The following PTGFRN variants were observed in gnomAD, a reference collection of about 807,000 sequenced individuals.
The protein encoded by PTGFRN is prostaglandin F2 receptor inhibitor.
PTGFRN carries 35 observed loss-of-function variants against 83.2 expected under a neutral mutation model. The ratio of observed to expected loss-of-function variants is 0.42; its 90% CI spans 0.32 to 0.56. The LOEUF (loss-of-function observed/expected upper bound fraction) is 0.56, where lower values mean the gene tolerates loss of function less well. Ranked by LOEUF, PTGFRN falls within the 20% of genes least tolerant of loss-of-function variation. The probability of loss-of-function intolerance (pLI) is 0.11; values close to 1 mark genes in which losing one functional copy is unlikely to be tolerated. For missense variants in PTGFRN, 1,051 were observed against 1,179.5 expected (o/e 0.89, Z 1.60); for synonymous variants, 519 against 498.6 (o/e 1.04, Z -0.55).
chr1:116,944,318 C>CT (rs1481191230), intron 2 of PTGFRN, among the ~76,000 whole-genome samples: 10 of 152,320 alleles, frequency 6.6e-5, no homozygotes, highest in African/African-American at 2.4e-4. Flanking sequence ...TAACTTAACT[C>CT]TCATGTCAAC....
chr1:116,917,934 C>T (rs1649444873), intron 1 of PTGFRN, among the ~76,000 whole-genome samples: 1 of 152,170 alleles, frequency 6.6e-6, no homozygotes, highest in Non-Finnish European at 1.5e-5. Context: ...TCTTTATCTG[C>T]ACACATATAA....
At position 116,965,657 on chromosome 1, in the gene PTGFRN, C is replaced by T. The variant is rs532189694; in HGVS notation, c.1640-1254C>T. 4.6e-5 allele frequency among the ~76,000 whole-genome samples: 7 copies of T among 152,316 alleles called. 1 individual carries two copies. Among genetic ancestry groups the T allele is most frequent in the Admixed American group, 3.9e-4 (6 of 15,298 alleles). On this transcript the variant is annotated intron_variant, in intron 5 of 8. Transcript: ENST00000393203. Reference sequence around the variant, plus strand: ...ACTCTATTTACGGTTGTGGCACACACACCTTCCTTCCAAATACAAATCCAC... The same window carrying T: ...ACTCTATTTACGGTTGTGGCACACATACCTTCCTTCCAAATACAAATCCAC...
At chr1:116,949,092 T>C (rs1386904438) in intron 3 of PTGFRN, 100 bp from the exon 4 acceptor site, 3 of 1,429,400 alleles carry the variant, frequency 2.1e-6, no homozygotes, top group African/African-American at 1.4e-5. Flanking sequence ...ACTTTAATGC[T>C]GTAAATAAGA....
chr1:116,952,976 CTAGT>C lies in PTGFRN; in HGVS notation c.1213+3407_1213+3410del, dbSNP rs1310669914. The stretch of plus-strand genomic sequence containing the variant: ...TAAAACAGAGAACCTAGCAGAATGG[CTAGT>C]TAATCTGCACATTAAGCCATCTCCT... On this transcript the variant is annotated intron_variant, in intron 4 of 8. Transcript: ENST00000393203. This position sits in a 1 kb window ranked among gnomAD's most constrained non-coding sequence, Gnocchi z 4.0. 5.3e-5 allele frequency among the ~76,000 whole-genome samples: 8 copies of C among 152,200 alleles called. No homozygotes were observed. The highest frequency in any genetic ancestry group is 1.5e-5 in the Non-Finnish European group (1 of 68,046).
At chr1:116,973,271 C>G (rs1651055264) in intron 6 of PTGFRN, among the ~76,000 whole-genome samples, 1 of 152,098 alleles carries the variant, frequency 6.6e-6, no homozygotes, top group African/African-American at 2.4e-5. Context: ...GCAAAAAGTA[C>G]TGAAAGTTTC....
intron 6 of PTGFRN, among the ~76,000 whole-genome samples, chr1:116,973,647 C>T (rs765696447): frequency 6.6e-6 from 1 of 151,708 alleles, no homozygotes; most frequent in Non-Finnish European, 1.5e-5. Context: ...TCCAGGCTGC[C>T]TCCATTTTCC....
At position 116,918,451 on chromosome 1, in the gene PTGFRN, A is replaced by C. The variant is rs1649460134; in HGVS notation, c.49+8199A>C. On this transcript the variant is annotated intron_variant, in intron 1 of 8. Transcript: ENST00000393203. This position sits in a 1 kb window ranked among gnomAD's most constrained non-coding sequence, Gnocchi z 4.1. ...CTACCCCAACTGTGTTCTGTGGACC[A>C]CCAGCATTGGCAGCACCTGGGGGAA... Among the ~76,000 whole-genome samples, 2 of 152,250 alleles carry C rather than the reference A, an allele frequency of 1.3e-5. No homozygotes were observed. Among genetic ancestry groups the C allele is most frequent in the Non-Finnish European group, 2.9e-5 (2 of 68,040 alleles).
At position 116,964,445 on chromosome 1, in the gene PTGFRN, C is replaced by T. The variant is rs576612399; in HGVS notation, c.1640-2466C>T. Among the ~76,000 whole-genome samples the T allele has an allele frequency of 3.3e-5, 5 of 152,292 alleles. No individual in the cohort carries two copies. The South Asian group carries it at 6.2e-4, about 19-fold the overall frequency. ...TCTTCCAACTTTATTAGCCATTTCT[C>T]AGCCTCCTTTTCTGGCTTCTGTTCA... On this transcript the variant is annotated intron_variant, in intron 5 of 8. Coordinates refer to ENST00000393203, the MANE Select transcript of PTGFRN (RefSeq NM_020440.4).
Position 116,989,720 on chromosome 1 carries a change from G to A in PTGFRN, c.*2753G>A, listed in dbSNP as rs1285798250. The A allele has an allele frequency of 6.6e-6, 1 of 152,524 alleles. No individual in the cohort carries two copies. Among genetic ancestry groups the A allele is most frequent in the African/African-American group, 2.4e-5 (1 of 41,416 alleles). The allele number at this position is 152,524 out of a possible 1,614,324, so 9.4% of individuals were successfully genotyped here. A position where few individuals can be genotyped will look rare whatever the true frequency, so the allele number is the denominator to read the frequency against. On this transcript the variant is annotated 3_prime_UTR_variant, in exon 9 of 9. Coordinates refer to ENST00000393203, the MANE Select transcript of PTGFRN (RefSeq NM_020440.4). ...TACACGTTTCACTTTGAAAAAAAAT[G>A]CAAATCGACTTTTTAACAACTGTTG...
chr1:116,915,908 T>C (rs926938422), intron 1 of PTGFRN, among the ~76,000 whole-genome samples: 3 of 152,258 alleles, frequency 2.0e-5, no homozygotes, highest in African/African-American at 7.2e-5. Context: ...TCATAATTTA[T>C]CTTCTGGAAA....
intron 6 of PTGFRN, among the ~76,000 whole-genome samples, chr1:116,973,268 G>T (rs1006474302): frequency 1.3e-5 from 2 of 152,062 alleles, no homozygotes; most frequent in African/African-American, 4.8e-5. Flanking sequence ...TCAGCAAAAA[G>T]TACTGAAAGT....
intron 4 of PTGFRN, among the ~76,000 whole-genome samples, chr1:116,950,851 A>G (rs1650326871): frequency 6.6e-6 from 1 of 152,188 alleles, no homozygotes; most frequent in Non-Finnish European, 1.5e-5. Context: ...TTATCTGGCA[A>G]GCTTTTTATT....
chr1:116,933,421 T>C (rs1649847807), intron 1 of PTGFRN, among the ~76,000 whole-genome samples: 1 of 152,190 alleles, frequency 6.6e-6, no homozygotes, highest in African/African-American at 2.4e-5. Flanking sequence ...TTTTCTGCTA[T>C]TGATGTCATA....
intron 4 of PTGFRN, among the ~76,000 whole-genome samples, chr1:116,953,348 T>A (rs955415952): frequency 6.6e-6 from 1 of 152,226 alleles, no homozygotes; most frequent in Non-Finnish European, 1.5e-5. Context: ...GTAGGTTTTT[T>A]AAGGATAACT....
chr1:116,957,969 T>G (rs980533628), intron 4 of PTGFRN, among the ~76,000 whole-genome samples: 2 of 152,148 alleles, frequency 1.3e-5, no homozygotes, highest in African/African-American at 4.8e-5. Context: ...TATGGCTGAA[T>G]AGTAGTCTAT....
chr1:116,932,333 C>G (rs1442648870), intron 1 of PTGFRN, among the ~76,000 whole-genome samples: 1 of 152,154 alleles, frequency 6.6e-6, no homozygotes, highest in Non-Finnish European at 1.5e-5. Flanking sequence ...CTGTCCCCAT[C>G]GATTCCACCT....
chr1:116,949,320 C>G lies in PTGFRN; in HGVS notation c.961C>G (p.Pro321Ala), dbSNP rs1650276787. ...PEVTWSFSRM[P>A]DSTLPGSRVL... ...GGTGACGTGGTCCTTCAGCAGGATG[C>G]CTGACAGCACCCTACCTGGCTCCCG... Residue 321 changes from proline (P) to alanine (A), a missense_variant, in exon 4 of 9, where the codon CCT (proline) becomes GCT (alanine). Pro to Ala is a conservative substitution (Grantham distance 27, BLOSUM62 -1). Around this residue, in one of 3 missense-constraint regions of PTGFRN, gnomAD observed 719 missense variants for 836.6 expected, o/e 0.86. Coordinates refer to ENST00000393203, the MANE Select transcript of PTGFRN (RefSeq NM_020440.4). 6.2e-7 allele frequency: 1 copy of G among 1,614,160 alleles called. No individual in the cohort carries two copies. Among genetic ancestry groups the G allele is most frequent in the Admixed American group, 1.7e-5 (1 of 60,016 alleles).
At chr1:116,914,313 TATTGG>T (rs1649345656) in intron 1 of PTGFRN, among the ~76,000 whole-genome samples, 3 of 152,208 alleles carry the variant, frequency 2.0e-5, no homozygotes, top group African/African-American at 7.2e-5. Flanking sequence ...GCACACGTTC[TATTGG>T]AGAGACTTTG....
chr1:116,953,770 A>C (rs1212849642), intron 4 of PTGFRN, among the ~76,000 whole-genome samples: 2 of 152,020 alleles, frequency 1.3e-5, no homozygotes, highest in Admixed American at 6.5e-5. Context: ...AGCCCTTTTC[A>C]TCCCTCTCAA....
Sources: gnomAD v4.1 joint callset for allele counts (sites outside exome capture counted in the v4.1 genomes callset) on GRCh38, gnomAD v4.1.1 for gene constraint, gnomAD v4.1.1 regional missense constraint, Gnocchi (gnomAD v3.1) non-coding constraint, MANE v1.5 for transcripts, NCBI Gene and HGNC (gene_info 2026-07-23, HGNC 2026-07-21) for gene names.